FZR1: variants seen among roughly 807,000 people sequenced by gnomAD.
The protein encoded by FZR1 is fizzy and cell division cycle 20 related 1.
FZR1 carries 11 observed loss-of-function variants against 63.6 expected under a neutral mutation model. The observed-to-expected ratio is 0.17, with a 90% CI of 0.11 to 0.29. The LOEUF (loss-of-function observed/expected upper bound fraction) is 0.29, where lower values mean the gene tolerates loss of function less well. Ranked by LOEUF, FZR1 falls within the 10% of genes least tolerant of loss-of-function variation. The probability of loss-of-function intolerance (pLI) is 1.00; values close to 1 mark genes in which losing one functional copy is unlikely to be tolerated. For missense variants in FZR1, 440 were observed against 687.5 expected, an observed-to-expected ratio of 0.64 and a Z score of 4.03; for synonymous variants, 328 against 297.9, an observed-to-expected ratio of 1.10 and a Z score of -1.04.
chr19:3,525,432 C>CTTTT lies in FZR1; in HGVS notation c.70-411_70-408dup, dbSNP rs57486013. Among the ~76,000 whole-genome samples, 120 of 68,742 alleles carry CTTTT rather than the reference C, an allele frequency of 1.7e-3. 13 individuals are homozygous for CTTTT. Among genetic ancestry groups the CTTTT allele is most frequent in the East Asian group, 5.1e-3 (11 of 2,158 alleles). 45.1% of individuals were successfully genotyped at this position (68,742 alleles called of 152,430 possible). On this transcript the variant is annotated intron_variant, in intron 2 of 13. Transcript: ENST00000441788. The surrounding 1 kb of genome is among the most constrained non-coding windows in gnomAD (Gnocchi z 4.2). ...TGTGTGGCTCCCCTCCTTGGGTTTT[C>CTTTT]TTTTTTTTTTTTTTTTTTTTTTTTT...
intron 7 of FZR1, among the ~76,000 whole-genome samples, chr19:3,529,747 AGCGCATGGGAGCGCATGGGT>A (rs1401650601): frequency 1.3e-4 from 17 of 130,788 alleles, no homozygotes; most frequent in African/African-American, 2.7e-4. Context: ...TGGATGGGTG[AGCGCATGGGAGCGCATGGGT>A]GAGCGGATGC....
rs1433980676 is a variant in FZR1 at position 3,533,560 on chromosome 19, T to G, written c.1347+162T>G. 15 of 601,866 alleles carry G rather than the reference T, an allele frequency of 2.5e-5. No individual in the cohort carries two copies. The highest frequency in any genetic ancestry group is 4.5e-5 in the Non-Finnish European group (15 of 333,396). 37.3% of individuals were successfully genotyped at this position (601,866 alleles called of 1,614,324 possible). ...CCGGCAGGGCATCTGGTGCTGGTTGTGTTGCCAGCGTTGGAATGGGCTCTA... is the reference window on the plus strand; with the variant it reads ...CCGGCAGGGCATCTGGTGCTGGTTGGGTTGCCAGCGTTGGAATGGGCTCTA... On this transcript the variant is annotated intron_variant, in intron 12 of 13. Transcript: ENST00000441788. This position sits in a 1 kb window ranked among gnomAD's most constrained non-coding sequence, Gnocchi z 4.9.
rs2030032882 is a variant in FZR1 at position 3,537,685 on chromosome 19, G to A, written c.*2849G>A. ...CCTGGCAGCCAGGAGGCCCCAGGTG[G>A]TTTTGAGGCTCGCTCTTGCGCGGTG... On this transcript the variant is annotated 3_prime_UTR_variant, in exon 14 of 14. Coordinates refer to ENST00000441788, the MANE Select transcript of FZR1 (RefSeq NM_016263.4). 6.5e-6 allele frequency: 1 copy of A among 152,732 alleles called. No individual in the cohort carries two copies. Among genetic ancestry groups the A allele is most frequent in the African/African-American group, 2.4e-5 (1 of 41,458 alleles). The allele number at this position is 152,732 out of a possible 1,614,324, so 9.5% of individuals were successfully genotyped here. A position where few individuals can be genotyped will look rare whatever the true frequency, so the allele number is the denominator to read the frequency against.
chr19:3,528,109 G>A (rs1258048452), intron 7 of FZR1, among the ~76,000 whole-genome samples: 1 of 152,174 alleles, frequency 6.6e-6, no homozygotes, highest in Non-Finnish European at 1.5e-5. Flanking sequence ...GCAGCATGGG[G>A]TCCCCACTGG....
intron 1 of FZR1, among the ~76,000 whole-genome samples, chr19:3,517,168 T>C (rs940749414): frequency 1.3e-5 from 2 of 151,684 alleles, no homozygotes; most frequent in African/African-American, 4.9e-5. Context: ...GGCAGGCAGA[T>C]TGCTTGAGCC....
chr19:3,530,964 G>A, intron 8 of FZR1, 107 bp downstream of exon 8: 1 of 770,070 alleles, frequency 1.3e-6, no homozygotes, highest in Non-Finnish European at 2.1e-6. Flanking sequence ...GAGGTCGCCT[G>A]TGTCCAAGCA....
At chr19:3,519,840 G>C (rs2083085329) in intron 1 of FZR1, among the ~76,000 whole-genome samples, 2 of 152,108 alleles carry the variant, frequency 1.3e-5, no homozygotes, top group South Asian at 4.1e-4. Context: ...TGGAGGATCT[G>C]TGTAGATCCC....
At chr19:3,527,183 G>T in intron 6 of FZR1, 121 bp downstream of exon 6, 1 of 785,026 alleles carries the variant, frequency 1.3e-6, no homozygotes. Context: ...GGCTGAAGGG[G>T]GCTTCCCAGG....
rs1474405084 is a variant in FZR1 at position 3,525,445 on chromosome 19, T to C, written c.70-423T>C. ...TCCTTGGGTTTTCTTTTTTTTTTTT[T>C]TTTTTTTTTTTTTTTGAGACGGAGT... On this transcript the variant is annotated intron_variant, in intron 2 of 13. Transcript: ENST00000441788. The surrounding 1 kb of genome is among the most constrained non-coding windows in gnomAD (Gnocchi z 4.2). Among the ~76,000 whole-genome samples, 10 of 136,412 alleles carry C rather than the reference T, an allele frequency of 7.3e-5. No individual in the cohort carries two copies. The highest frequency in any genetic ancestry group is 1.7e-4 in the African/African-American group (6 of 36,220). The allele number at this position is 136,412 out of a possible 152,430, so 89.5% of individuals were successfully genotyped here.
intron 1 of FZR1, among the ~76,000 whole-genome samples, chr19:3,513,157 TG>T (rs962242272): frequency 4.0e-5 from 6 of 151,790 alleles, no homozygotes; most frequent in Admixed American, 2.0e-4. Flanking sequence ...TTGCAGGGGT[TG>T]GGACCTGTGA....
Position 3,516,255 on chromosome 19 carries a change from G to A in FZR1, c.-34-6701G>A, listed in dbSNP as rs2083058063. On this transcript the variant is annotated intron_variant, in intron 1 of 13. Coordinates refer to ENST00000441788, the MANE Select transcript of FZR1 (RefSeq NM_016263.4). This position sits in a 1 kb window ranked among gnomAD's most constrained non-coding sequence, Gnocchi z 6.0. ...GCCTCCCCCACCGTCTGACGGGCGG[G>A]AGGGTGGTGTCCTCGGTTGGATTGG... 6.6e-6 allele frequency among the ~76,000 whole-genome samples: 1 copy of A among 152,238 alleles called. No homozygotes were observed. Among genetic ancestry groups the A allele is most frequent in the Non-Finnish European group, 1.5e-5 (1 of 68,044 alleles).
intron 1 of FZR1, among the ~76,000 whole-genome samples, chr19:3,509,540 A>G (rs1404512375): frequency 6.6e-6 from 1 of 152,024 alleles, no homozygotes; most frequent in South Asian, 2.1e-4. Flanking sequence ...CCTGGTTTTT[A>G]TATGTTCACA....
intron 7 of FZR1, 81 bp from the exon 8 acceptor site, chr19:3,530,711 A>G: frequency 1.0e-6 from 1 of 989,990 alleles, no homozygotes; most frequent in South Asian, 1.4e-5. Context: ...GATGGGTGAG[A>G]CAGTGGAGGG....
chr19:3,537,147 C>G lies in FZR1; in HGVS notation c.*2311C>G, dbSNP rs1279727298. 6.6e-6 allele frequency: 1 copy of G among 152,624 alleles called. No homozygotes were observed. The highest frequency in any genetic ancestry group is 1.9e-4 in the East Asian group (1 of 5,200). The allele number at this position is 152,624 out of a possible 1,614,324, so 9.5% of individuals were successfully genotyped here. ...GGGGTGAAGGCCGTGGTGGGAGGGT[C>G]CCATGATGATGGGCCAGGGCTCGTG... On this transcript the variant is annotated 3_prime_UTR_variant, in exon 14 of 14. Transcript: ENST00000441788.
chr19:3,533,468 C>T lies in FZR1; in HGVS notation c.1347+70C>T, dbSNP rs2083267902. The T allele has an allele frequency of 3.3e-6, 3 of 917,456 alleles. No individual in the cohort carries two copies. Among genetic ancestry groups the T allele is most frequent in the Non-Finnish European group, 5.4e-6 (3 of 556,654 alleles). 56.8% of individuals were successfully genotyped at this position (917,456 alleles called of 1,614,324 possible). A position where few individuals can be genotyped will look rare whatever the true frequency, so the allele number is the denominator to read the frequency against. ...AAACTGCCATGGCCACCCCAGAGCA[C>T]CCTGTCCTGTGTTCTTAGGGAGGAT... On this transcript the variant is annotated intron_variant, in intron 12 of 13. Transcript: ENST00000441788. The surrounding 1 kb of genome is among the most constrained non-coding windows in gnomAD (Gnocchi z 4.9).
At chr19:3,530,881 C>G (rs1414283165) in intron 8 of FZR1, 24 bp downstream of exon 8, 3 of 1,588,268 alleles carry the variant, frequency 1.9e-6, no homozygotes, top group Non-Finnish European at 8.6e-7. Flanking sequence ...GCTTGGCCCC[C>G]ACCTGGGAGA....
chr19:3,524,969 A>G (rs899959196), intron 2 of FZR1, among the ~76,000 whole-genome samples: 3 of 152,074 alleles, frequency 2.0e-5, no homozygotes, highest in African/African-American at 7.3e-5. Flanking sequence ...TCAGGACTTC[A>G]CAGTATCCTT....
chr19:3,519,287 A>G (rs1043030527), intron 1 of FZR1, among the ~76,000 whole-genome samples: 2 of 152,178 alleles, frequency 1.3e-5, no homozygotes, highest in African/African-American at 4.8e-5. Flanking sequence ...TCAGGACCCT[A>G]CGCCCCTGGC....
Position 3,533,159 on chromosome 19 carries a change from G to A in FZR1, c.1243-135G>A, listed in dbSNP as rs1599794487. 1.5e-6 allele frequency: 1 copy of A among 666,958 alleles called. No individual in the cohort carries two copies. Among genetic ancestry groups the A allele is most frequent in the Non-Finnish European group, 2.7e-6 (1 of 368,480 alleles). 41.3% of individuals were successfully genotyped at this position (666,958 alleles called of 1,614,324 possible). ...ACTCAGGTGGCAGAGCCACATCCCA[G>A]CATCCCCTGCTCCTCCTGGGCTGGC... is the stretch of plus-strand genomic sequence containing the variant. On this transcript the variant is annotated intron_variant, in intron 11 of 13. Coordinates refer to ENST00000441788, the MANE Select transcript of FZR1 (RefSeq NM_016263.4). This position sits in a 1 kb window ranked among gnomAD's most constrained non-coding sequence, Gnocchi z 4.9.
Sources: allele counts gnomAD v4.1 joint callset (sites outside exome capture counted in the v4.1 genomes callset), GRCh38; gene constraint gnomAD v4.1.1; non-coding constraint Gnocchi (gnomAD v3.1); transcripts MANE v1.5; gene names NCBI Gene and HGNC (gene_info 2026-07-23, HGNC 2026-07-21).